The following PDE4D variants were observed in gnomAD, a reference collection of about 807,000 sequenced individuals.
PDE4D encodes the protein 3',5'-cyclic-AMP phosphodiesterase 4D.
In PDE4D, 24 loss-of-function variants were observed where a neutral mutation model predicts 87.4. The observed-to-expected ratio is 0.27, with a 90% CI of 0.20 to 0.39. The LOEUF (loss-of-function observed/expected upper bound fraction) is 0.39, where lower values mean the gene tolerates loss of function less well. PDE4D is among the 10% of genes least tolerant of loss of function. The pLI is 1.00. For missense variants in PDE4D, 714 were observed against 1,041.0 expected, an observed-to-expected ratio of 0.69 and a Z score of 4.32; for synonymous variants, 384 against 383.2, an observed-to-expected ratio of 1.00 and a Z score of -0.02.
chr5:59,186,800 G>T (rs886129035), intron 3 of PDE4D, among the ~76,000 whole-genome samples: 1 of 152,106 alleles, frequency 6.6e-6, no homozygotes, highest in Non-Finnish European at 1.5e-5. Context: ...AACAACCCAC[G>T]GCTCTGAAAG....
intron 1 of PDE4D, among the ~76,000 whole-genome samples, chr5:60,420,777 G>A (rs754377627): frequency 6.6e-6 from 1 of 152,158 alleles, no homozygotes; most frequent in Non-Finnish European, 1.5e-5. Flanking sequence ...AAGGGGTTGG[G>A]GGATTTCCCT....
chr5:59,012,243 A>G (rs1752965348), intron 6 of PDE4D, among the ~76,000 whole-genome samples: 1 of 152,228 alleles, frequency 6.6e-6, no homozygotes, highest in Admixed American at 6.5e-5. Flanking sequence ...AACTGCATCA[A>G]CTAATGGGCA....
intron 5 of PDE4D, among the ~76,000 whole-genome samples, chr5:59,082,500 T>C (rs1376935710): frequency 3.9e-5 from 6 of 152,130 alleles, no homozygotes; most frequent in African/African-American, 9.6e-5. Context: ...ATAAGAAAGG[T>C]CAAACATTAT....
At chr5:59,186,527 A>C (rs1742959773) in intron 3 of PDE4D, among the ~76,000 whole-genome samples, 2 of 152,294 alleles carry the variant, frequency 1.3e-5, no homozygotes, top group African/African-American at 4.8e-5. Flanking sequence ...AAGTTTCCAG[A>C]GTTGTTTTCA....
At chr5:60,118,999 C>G (rs13177799) in intron 2 of PDE4D, among the ~76,000 whole-genome samples, 20,621 of 152,110 alleles carry the variant, frequency 0.14, 1,491 homozygotes, top group South Asian at 0.22. Flanking sequence ...TATCCAGGAA[C>G]TACACACACA....
rs560527145 is a variant in PDE4D at position 60,265,150 on chromosome 5, A to C, written c.-89-79463T>G. On this transcript the variant is annotated intron_variant, in intron 1 of 16. Transcript: ENST00000502484. Reference sequence around the variant, plus strand: ...ATATGGGGATGGCCAACCACATGACACTCAACCTTAACAGAGGAGATTAAT... The same window carrying C: ...ATATGGGGATGGCCAACCACATGACCCTCAACCTTAACAGAGGAGATTAAT... Among the ~76,000 whole-genome samples, 3 of 152,270 alleles carry C rather than the reference A, an allele frequency of 2.0e-5. No homozygotes were observed. The East Asian group carries it at 5.8e-4, about 29-fold the overall frequency.
At chr5:59,566,698 T>C (rs1317548091) in intron 1 of PDE4D, among the ~76,000 whole-genome samples, 1 of 151,986 alleles carries the variant, frequency 6.6e-6, no homozygotes, top group Non-Finnish European at 1.5e-5. Context: ...GAATGAGTGA[T>C]GAATGCAAAT....
intron 1 of PDE4D, among the ~76,000 whole-genome samples, chr5:60,324,236 A>G (rs1270820663): frequency 6.6e-6 from 1 of 152,218 alleles, no homozygotes; most frequent in African/African-American, 2.4e-5. Flanking sequence ...TGCTGTCTCT[A>G]AAATAGTCTG....
intron 1 of PDE4D, among the ~76,000 whole-genome samples, chr5:60,245,198 A>G (rs1011626351): frequency 1.3e-5 from 2 of 151,788 alleles, no homozygotes; most frequent in Non-Finnish European, 3.0e-5. Context: ...GGTGCTCAAC[A>G]TCATTGAGAA....
At chr5:59,128,017 T>TGTGTGTGTGC (rs1775722945) in intron 5 of PDE4D, among the ~76,000 whole-genome samples, 1 of 77,932 alleles carries the variant, frequency 1.3e-5, no homozygotes, top group Non-Finnish European at 2.6e-5. Context: ...TTCAGAGCCG[T>TGTGTGTGTGC]GTGTGTGTGT....
intron 1 of PDE4D, among the ~76,000 whole-genome samples, chr5:59,332,943 G>A (rs953798862): frequency 2.4e-4 from 37 of 152,190 alleles, no homozygotes; most frequent in Non-Finnish European, 2.9e-5. Context: ...CTGCCTCTTT[G>A]CAAATGGTGA....
intron 3 of PDE4D, among the ~76,000 whole-genome samples, chr5:59,941,752 C>T (rs899437571): frequency 6.6e-6 from 1 of 152,208 alleles, no homozygotes; most frequent in Non-Finnish European, 1.5e-5. Context: ...GGTGGCAGCA[C>T]TCTAATATCT....
chr5:60,372,834 A>G (rs1442211301), intron 1 of PDE4D: 3 of 152,194 alleles, frequency 2.0e-5, no homozygotes, highest in African/African-American at 4.8e-5. Flanking sequence ...TCCCTGGTTC[A>G]ATGCCTGGTA....
At chr5:59,656,141 GAC>G (rs1399534902) in intron 1 of PDE4D, among the ~76,000 whole-genome samples, 10 of 151,748 alleles carry the variant, frequency 6.6e-5, no homozygotes, top group African/African-American at 2.4e-4. Context: ...TCACCTCACA[GAC>G]ACACACATCC....
chr5:59,926,587 A>G (rs1755311668), intron 3 of PDE4D, among the ~76,000 whole-genome samples: 1 of 152,136 alleles, frequency 6.6e-6, no homozygotes, highest in South Asian at 2.1e-4. Context: ...TTTTGAAAAG[A>G]TAAACAAAAT....
At chr5:59,672,808 A>G (rs1417085927) in intron 1 of PDE4D, among the ~76,000 whole-genome samples, 1 of 152,184 alleles carries the variant, frequency 6.6e-6, no homozygotes, top group African/African-American at 2.4e-5. Flanking sequence ...GGATGTTACT[A>G]TTCTGAGCTG....
chr5:59,161,093 C>T lies in PDE4D; in HGVS notation c.808+19502G>A, dbSNP rs1781023323. On this transcript the variant is annotated intron_variant, in intron 5 of 14. Coordinates refer to ENST00000340635, the MANE Select transcript of PDE4D (RefSeq NM_001104631.2). ...CTGGGCAACAGAGAGAGACTCCGTCCCACCTCCCACCCCCGCCAACAAAAA... is the reference window on the plus strand; with the variant it reads ...CTGGGCAACAGAGAGAGACTCCGTCTCACCTCCCACCCCCGCCAACAAAAA... 3.3e-5 allele frequency among the ~76,000 whole-genome samples: 5 copies of T among 152,104 alleles called. No individual in the cohort carries two copies. The South Asian group carries it at 1.0e-3, about 32-fold the overall frequency.
chr5:59,049,461 G>A (rs1580517457), intron 5 of PDE4D, among the ~76,000 whole-genome samples: 2 of 152,032 alleles, frequency 1.3e-5, no homozygotes, highest in Admixed American at 1.3e-4. Flanking sequence ...GCCAAAATTT[G>A]GTAATGGTCA....
chr5:59,552,022 C>T (rs1818205658), intron 1 of PDE4D, among the ~76,000 whole-genome samples: 1 of 151,996 alleles, frequency 6.6e-6, no homozygotes, highest in Non-Finnish European at 1.5e-5. Context: ...TTGAGACCAG[C>T]CTAGGGAACA....
Sources: allele counts gnomAD v4.1 joint callset (sites outside exome capture counted in the v4.1 genomes callset), GRCh38; gene constraint gnomAD v4.1.1; transcripts MANE v1.5; gene names NCBI Gene and HGNC (gene_info 2026-07-23, HGNC 2026-07-21).